The following MYO3B variants were observed in gnomAD, a reference collection of about 807,000 sequenced individuals.
MYO3B encodes myosin-IIIb.
MYO3B carries 156 observed loss-of-function variants against 174.6 expected under a neutral mutation model. The ratio of observed to expected loss-of-function variants is 0.89; its 90% CI spans 0.78 to 1.02. The LOEUF is 1.02. Among genes scored for constraint, MYO3B ranks in the 50% least tolerant of loss-of-function variants. MYO3B has a pLI of 0.00. For missense variants in MYO3B, 1,632 were observed against 1,639.4 expected, an observed-to-expected ratio of 1.00 and a Z score of 0.08; for synonymous variants, 563 against 569.1, an observed-to-expected ratio of 0.99 and a Z score of 0.15.
At chr2:170,601,414 T>C (rs1212777972) in intron 32 of MYO3B, among the ~76,000 whole-genome samples, 1 of 152,198 alleles carries the variant, frequency 6.6e-6, no homozygotes, top group Non-Finnish European at 1.5e-5. Flanking sequence ...TTAGTGGCTA[T>C]TGAAAATACC....
chr2:170,182,614 C>CT (rs3066879), intron 1 of MYO3B, among the ~76,000 whole-genome samples: 5,043 of 135,542 alleles, frequency 0.037, 126 homozygotes, highest in African/African-American at 0.051. Context: ...TTTTCTGTTT[C>CT]TTTTTTTTTT....
chr2:170,452,021 C>T (rs7577520), intron 23 of MYO3B, among the ~76,000 whole-genome samples: 9,840 of 152,228 alleles, frequency 0.065, 416 homozygotes, highest in Non-Finnish European at 0.083. Flanking sequence ...AGTCTCATCT[C>T]TCAGTGGAAG....
intron 32 of MYO3B, among the ~76,000 whole-genome samples, chr2:170,611,721 C>T (rs938514289): frequency 6.6e-6 from 1 of 152,082 alleles, no homozygotes; most frequent in Non-Finnish European, 1.5e-5. Flanking sequence ...AAATAGCAAC[C>T]ATGGGTATAG....
At chr2:170,419,121 A>C (rs997123326) in intron 22 of MYO3B, among the ~76,000 whole-genome samples, 1 of 152,214 alleles carries the variant, frequency 6.6e-6, no homozygotes, top group Non-Finnish European at 1.5e-5. Flanking sequence ...AAGGTCAGTT[A>C]AAAGATGTAG....
chr2:170,507,297 GC>G (rs1687674697), intron 28 of MYO3B, among the ~76,000 whole-genome samples: 1 of 152,128 alleles, frequency 6.6e-6, no homozygotes, highest in Non-Finnish European at 1.5e-5. Flanking sequence ...AAGACAGGAT[GC>G]CCTTCAGTCC....
At chr2:170,329,064 A>G (rs1273333576) in intron 7 of MYO3B, among the ~76,000 whole-genome samples, 1 of 151,974 alleles carries the variant, frequency 6.6e-6, no homozygotes, top group East Asian at 1.9e-4. Context: ...AGACAGGAGA[A>G]TCACTTGAAC....
At chr2:170,237,401 A>T (rs1217710662) in intron 7 of MYO3B, among the ~76,000 whole-genome samples, 2 of 152,132 alleles carry the variant, frequency 1.3e-5, no homozygotes, top group Admixed American at 6.5e-5. Context: ...CTCTTTAGCA[A>T]AATAATATGT....
intron 11 of MYO3B, 87 bp downstream of exon 11, chr2:170,383,276 A>G (rs911350023): frequency 8.5e-6 from 7 of 820,344 alleles, no homozygotes; most frequent in Non-Finnish European, 1.4e-5. Flanking sequence ...AGTAAGAATA[A>G]AATTATGCTA....
chr2:170,633,294 C>T (rs191016794), intron 32 of MYO3B, among the ~76,000 whole-genome samples: 3 of 152,196 alleles, frequency 2.0e-5, no homozygotes, highest in Non-Finnish European at 2.9e-5. Flanking sequence ...GGATTCATCC[C>T]TGGATGCAAG....
At chr2:170,455,595 G>A (rs1265837910) in intron 23 of MYO3B, among the ~76,000 whole-genome samples, 1 of 152,170 alleles carries the variant, frequency 6.6e-6, no homozygotes, top group East Asian at 1.9e-4. Flanking sequence ...CATAACATAG[G>A]AAGTGTTTAG....
intron 7 of MYO3B, among the ~76,000 whole-genome samples, chr2:170,287,629 T>C (rs935795800): frequency 6.6e-6 from 1 of 152,158 alleles, no homozygotes; most frequent in Non-Finnish European, 1.5e-5. Flanking sequence ...ATTCTGGTTA[T>C]TAATTCTTTT....
intron 30 of MYO3B, among the ~76,000 whole-genome samples, chr2:170,522,208 G>A (rs138145293): frequency 6.4e-4 from 98 of 152,114 alleles, no homozygotes; most frequent in African/African-American, 2.1e-3. Context: ...AGCACGAGTC[G>A]CAAGTCTCTG....
intron 28 of MYO3B, among the ~76,000 whole-genome samples, chr2:170,511,159 A>C (rs1687957238): frequency 6.7e-6 from 1 of 150,022 alleles, no homozygotes; most frequent in Non-Finnish European, 1.5e-5. Flanking sequence ...TCCCAGGTTC[A>C]TGCCATTCTC....
intron 7 of MYO3B, among the ~76,000 whole-genome samples, chr2:170,320,467 C>A (rs1559384622): frequency 6.6e-6 from 1 of 152,032 alleles, no homozygotes; most frequent in Non-Finnish European, 1.5e-5. Flanking sequence ...ATTTAATGAA[C>A]CTATCTCATT....
intron 8 of MYO3B, among the ~76,000 whole-genome samples, chr2:170,363,379 A>G (rs561431296): frequency 6.6e-6 from 1 of 152,086 alleles, no homozygotes; most frequent in South Asian, 2.1e-4. Context: ...AACAACAGTC[A>G]GAGGCTCTTG....
chr2:170,409,600 G>T (rs555047948), intron 22 of MYO3B, among the ~76,000 whole-genome samples: 29 of 152,282 alleles, frequency 1.9e-4, no homozygotes, highest in Admixed American at 5.2e-4. Flanking sequence ...AAGCATGATT[G>T]TGTTTTCTTT....
intron 25 of MYO3B, among the ~76,000 whole-genome samples, chr2:170,473,136 TTTC>T (rs1685083775): frequency 7.7e-6 from 1 of 130,628 alleles, no homozygotes; most frequent in South Asian, 2.4e-4. Context: ...TTCTTTTTCT[TTTC>T]TTTTTTTTTT....
At chr2:170,251,180 T>G (rs1333471891) in intron 7 of MYO3B, among the ~76,000 whole-genome samples, 3 of 152,134 alleles carry the variant, frequency 2.0e-5, no homozygotes, top group African/African-American at 7.2e-5. Flanking sequence ...CGATTTACAT[T>G]TACTGTCTTA....
At chr2:170,577,820 C>T (rs1692878868) in intron 32 of MYO3B, among the ~76,000 whole-genome samples, 1 of 152,160 alleles carries the variant, frequency 6.6e-6, no homozygotes. Context: ...AGCAGTCTTC[C>T]ACTGCCCGGA....
Sources: allele counts gnomAD v4.1 joint callset (sites outside exome capture counted in the v4.1 genomes callset), GRCh38; gene constraint gnomAD v4.1.1; transcripts MANE v1.5; gene names NCBI Gene and HGNC (gene_info 2026-07-23, HGNC 2026-07-21).